The following CCDC141 variants were observed in gnomAD, a reference collection of about 807,000 sequenced individuals.
CCDC141 encodes the protein coiled-coil domain-containing protein 141.
In CCDC141, 168 loss-of-function variants were observed where a neutral mutation model predicts 181.0. That is an observed-to-expected ratio of 0.93 (90% CI 0.82 to 1.05). CCDC141 has a LOEUF of 1.05. Among genes scored for constraint, CCDC141 ranks in the 50% least tolerant of loss-of-function variants. The probability of loss-of-function intolerance (pLI) is 0.00; values close to 1 mark genes in which losing one functional copy is unlikely to be tolerated. For synonymous variants in CCDC141, 666 were observed against 642.3 expected, an observed-to-expected ratio of 1.04 and a Z score of -0.56; for missense variants, 1,902 against 1,788.5, an observed-to-expected ratio of 1.06 and a Z score of -1.14.
chr2:178,879,912 A>T (rs1686519045), intron 11 of CCDC141, among the ~76,000 whole-genome samples: 1 of 149,982 alleles, frequency 6.7e-6, no homozygotes. Flanking sequence ...TACAGGTTGC[A>T]CAAGCTGAAT....
chr2:179,033,417 T>C (rs2043054898), intron 2 of CCDC141, among the ~76,000 whole-genome samples: 1 of 152,172 alleles, frequency 6.6e-6, no homozygotes, highest in African/African-American at 2.4e-5. Flanking sequence ...TCAGTGAATT[T>C]TGATATCTTC....
intron 2 of CCDC141, among the ~76,000 whole-genome samples, chr2:179,018,409 AAAAGT>A (rs1278212673): frequency 6.6e-6 from 1 of 152,178 alleles, no homozygotes; most frequent in Non-Finnish European, 1.5e-5. Flanking sequence ...TAAGACACTT[AAAAGT>A]AAAGAACACA....
At chr2:178,981,657 TACATAC>T (rs1559024714) in intron 2 of CCDC141, among the ~76,000 whole-genome samples, 33 of 131,914 alleles carry the variant, frequency 2.5e-4, no homozygotes, top group South Asian at 5.0e-4. Flanking sequence ...TATATATATA[TACATAC>T]ATATATACAT....
At chr2:179,004,350 C>G (rs1390982658) in intron 2 of CCDC141, among the ~76,000 whole-genome samples, 1 of 152,096 alleles carries the variant, frequency 6.6e-6, no homozygotes, top group Non-Finnish European at 1.5e-5. Context: ...TCATCTTCTG[C>G]TACTTCTTCT....
chr2:178,941,676 G>A (rs1380161353), intron 6 of CCDC141, among the ~76,000 whole-genome samples: 1 of 151,874 alleles, frequency 6.6e-6, no homozygotes, highest in African/African-American at 2.4e-5. Flanking sequence ...AAATTTGCCA[G>A]GTATGAGAGT....
intron 8 of CCDC141, among the ~76,000 whole-genome samples, chr2:178,891,563 T>G (rs546618249): frequency 9.9e-5 from 15 of 151,208 alleles, no homozygotes; most frequent in Admixed American, 2.0e-4. Context: ...TGAAACTGGC[T>G]GGCTTTTCTA....
At chr2:178,828,714 T>C (rs1684161596), downstream of CCDC141, among the ~76,000 whole-genome samples, 1 of 152,176 alleles carries the variant, frequency 6.6e-6, no homozygotes, top group South Asian at 2.1e-4. Context: ...ACAGCTTGTT[T>C]GTGTGTGGGT....
chr2:178,837,736 C>T lies in CCDC141; in HGVS notation c.3483G>A (p.Val1161=). 6.3e-7 allele frequency: 1 copy of T among 1,590,336 alleles called. No individual in the cohort carries two copies. The highest frequency in any genetic ancestry group is 1.1e-5 in the South Asian group (1 of 87,394). The change falls in exon 23 of 24, where the codon GTG becomes GTA. Residue 1161 remains valine, a synonymous_variant. Coordinates refer to ENST00000443758, the MANE Select transcript of CCDC141 (RefSeq NM_173648.4). ...TGATGCCCAAAAGATCTGCCACCTGCACCTGCCCCTTGAAAAAAGAAAAGC... is the reference window on the plus strand; with the variant it reads ...TGATGCCCAAAAGATCTGCCACCTGTACCTGCCCCTTGAAAAAAGAAAAGC... The part of the protein sequence containing the change: ...IFNEERNKGQ[V]QVADLLGING...
rs13416052 is a variant in CCDC141, at chr2:178,870,521, C to A, written c.2205+906G>T. ...AAACAAAATGCATATAAGCAGATAA[C>A]GCAGGGTGTATTAAAGAGCCTAATA... On this transcript the variant is annotated intron_variant, in intron 14 of 23. Transcript: ENST00000443758. Among the ~76,000 whole-genome samples the A allele has an allele frequency of 3.1e-3, 472 of 152,220 alleles. 4 individuals are homozygous for A. Among genetic ancestry groups the A allele is most frequent in the African/African-American group, 0.011 (441 of 41,526 alleles).
chr2:178,816,416 T>A, the CCDC141 span, among the ~76,000 whole-genome samples: 2 of 152,228 alleles, frequency 1.3e-5, no homozygotes, highest in Non-Finnish European at 2.9e-5. Flanking sequence ...TATGTATGTA[T>A]CTCAGTTTGT....
chr2:179,006,432 A>T (rs1261033578), intron 2 of CCDC141, among the ~76,000 whole-genome samples: 1 of 152,154 alleles, frequency 6.6e-6, no homozygotes, highest in African/African-American at 2.4e-5. Context: ...TGGTTCAATG[A>T]TCACTCTGCA....
chr2:178,961,959 G>A (rs1390687536), intron 4 of CCDC141, among the ~76,000 whole-genome samples: 2 of 152,204 alleles, frequency 1.3e-5, no homozygotes, highest in Non-Finnish European at 2.9e-5. Context: ...AAAAGGGTCA[G>A]CTGTCACTCA....
chr2:178,948,291 C>CT (rs1276200696), intron 5 of CCDC141, among the ~76,000 whole-genome samples: 1 of 151,790 alleles, frequency 6.6e-6, no homozygotes, highest in Non-Finnish European at 1.5e-5. Context: ...GCTTTTCATC[C>CT]TTTTATGTGG....
At chr2:179,012,499 T>C (rs1044102359) in intron 2 of CCDC141, among the ~76,000 whole-genome samples, 51 of 151,994 alleles carry the variant, frequency 3.4e-4, no homozygotes, top group African/African-American at 1.2e-3. Flanking sequence ...ACAAAAAAAG[T>C]CCAGGACCAG....
intron 5 of CCDC141, among the ~76,000 whole-genome samples, chr2:178,954,716 CT>C (rs1254656311): frequency 6.6e-6 from 1 of 151,952 alleles, no homozygotes; most frequent in Non-Finnish European, 1.5e-5. Flanking sequence ...CTTAATTTCC[CT>C]TTTTCTTAAG....
chr2:178,854,023 T>C (rs1176180812), intron 19 of CCDC141, among the ~76,000 whole-genome samples: 1 of 152,196 alleles, frequency 6.6e-6, no homozygotes, highest in East Asian at 1.9e-4. Context: ...AAGCCAAATG[T>C]TCACAATCCA....
At chr2:178,869,001 G>T in intron 15 of CCDC141, 116 bp downstream of exon 15, 5 of 651,958 alleles carry the variant, frequency 7.7e-6, no homozygotes. Flanking sequence ...GGGCCAGATT[G>T]TGTAAACTTC....
intron 7 of CCDC141, among the ~76,000 whole-genome samples, chr2:178,906,855 A>G (rs987278208): frequency 6.6e-5 from 10 of 152,210 alleles, no homozygotes; most frequent in Non-Finnish European, 7.3e-5. Context: ...GGCTATGGTC[A>G]TGGAGGTACA....
At chr2:178,924,505 A>T (rs1054738118) in intron 6 of CCDC141, among the ~76,000 whole-genome samples, 2 of 152,102 alleles carry the variant, frequency 1.3e-5, no homozygotes, top group Admixed American at 6.5e-5. Flanking sequence ...TTTTTACAGA[A>T]ATGTTTATGC....
Sources: gnomAD v4.1 joint callset for allele counts (sites outside exome capture counted in the v4.1 genomes callset) on GRCh38, gnomAD v4.1.1 for gene constraint, MANE v1.5 for transcripts, NCBI Gene and HGNC (gene_info 2026-07-23, HGNC 2026-07-21) for gene names.